The following CAMKMT variants were observed in gnomAD, a reference collection of about 807,000 sequenced individuals.
The protein encoded by CAMKMT is calmodulin-lysine N-methyltransferase, also known as CaM KMT.
In CAMKMT, 53 loss-of-function variants were observed where a neutral mutation model predicts 48.0. That is an observed-to-expected ratio of 1.10 (90% CI 0.89 to 1.39). The LOEUF (loss-of-function observed/expected upper bound fraction) is 1.39, where lower values mean the gene tolerates loss of function less well. CAMKMT is among the 40% of genes most tolerant of loss of function. The pLI, the probability that CAMKMT is intolerant of heterozygous loss-of-function variation, is 0.00. For missense variants in CAMKMT, 428 were observed against 402.7 expected (o/e 1.06, Z -0.54); for synonymous variants, 165 against 152.3 (o/e 1.08, Z -0.61).
intron 3 of CAMKMT, among the ~76,000 whole-genome samples, chr2:44,483,640 G>T (rs1207447207): frequency 1.3e-5 from 2 of 152,130 alleles, no homozygotes; most frequent in Admixed American, 6.6e-5. Context: ...AGGCCATCAT[G>T]TAGCTCAAGG....
intron 3 of CAMKMT, among the ~76,000 whole-genome samples, chr2:44,702,519 A>G (rs557104567): frequency 4.6e-5 from 7 of 152,288 alleles, no homozygotes; most frequent in African/African-American, 1.4e-4. Context: ...TACTGCAATG[A>G]TATTTTACAA....
At chr2:44,554,533 C>G (rs1327949751) in intron 3 of CAMKMT, among the ~76,000 whole-genome samples, 2 of 152,036 alleles carry the variant, frequency 1.3e-5, no homozygotes, top group Non-Finnish European at 2.9e-5. Flanking sequence ...ACCTGGAGTT[C>G]AAGACCAGCC....
At chr2:44,417,433 C>T (rs1284888605) in intron 3 of CAMKMT, among the ~76,000 whole-genome samples, 2 of 152,040 alleles carry the variant, frequency 1.3e-5, no homozygotes, top group Admixed American at 6.6e-5. Flanking sequence ...AATATGCCCA[C>T]AATTCATTTA....
At chr2:44,553,827 A>C (rs1572784081) in intron 3 of CAMKMT, among the ~76,000 whole-genome samples, 1 of 152,348 alleles carries the variant, frequency 6.6e-6, no homozygotes, top group South Asian at 2.1e-4. Context: ...TAAAATAAAA[A>C]GAATAATTTA....
intron 3 of CAMKMT, among the ~76,000 whole-genome samples, chr2:44,625,650 T>C (rs187835769): frequency 2.7e-4 from 41 of 152,308 alleles, no homozygotes; most frequent in African/African-American, 9.4e-4. Flanking sequence ...TTAGCATTTA[T>C]GTTTAGGAAT....
intron 3 of CAMKMT, among the ~76,000 whole-genome samples, chr2:44,602,798 G>T (rs1671073816): frequency 6.6e-6 from 1 of 152,062 alleles, no homozygotes; most frequent in African/African-American, 2.4e-5. Flanking sequence ...CCACGATCCA[G>T]TGACCTCCCA....
In CAMKMT at chr2:44,418,311, AT is replaced by A. The variant is rs765290714; in HGVS notation, c.376+28017del. On this transcript the variant is annotated intron_variant, in intron 3 of 10. Transcript: ENST00000378494. ...GTATCCTGTTTAAAAAAATCTATGA[AT>A]TTTTTTTTTTATGTGTTCTTCTAGA... 1.2e-3 allele frequency among the ~76,000 whole-genome samples: 179 copies of A among 147,514 alleles called. 1 individual carries two copies. Among genetic ancestry groups the A allele is most frequent in the African/African-American group, 2.2e-3 (87 of 40,412 alleles).
chr2:44,631,053 A>C (rs1672788147), intron 3 of CAMKMT, among the ~76,000 whole-genome samples: 1 of 152,252 alleles, frequency 6.6e-6, no homozygotes, highest in Non-Finnish European at 1.5e-5. Context: ...TACACCATGG[A>C]ATACTATGCA....
At chr2:44,393,695 G>C (rs888160411) in intron 3 of CAMKMT, among the ~76,000 whole-genome samples, 2 of 152,158 alleles carry the variant, frequency 1.3e-5, no homozygotes, top group African/African-American at 4.8e-5. Flanking sequence ...TTTCACCTCA[G>C]ATGAGGTACT....
At chr2:44,556,960 T>C (rs1442770696) in intron 3 of CAMKMT, among the ~76,000 whole-genome samples, 1 of 152,100 alleles carries the variant, frequency 6.6e-6, no homozygotes, top group East Asian at 1.9e-4. Context: ...GTAAGTTTAT[T>C]TCAGGGAGAA....
intron 3 of CAMKMT, among the ~76,000 whole-genome samples, chr2:44,459,212 T>C (rs1667729238): frequency 6.6e-6 from 1 of 152,226 alleles, no homozygotes; most frequent in African/African-American, 2.4e-5. Context: ...GCTTTAGAAT[T>C]TCAATAGTTA....
chr2:44,725,721 TAGAG>T (rs1434024765), intron 7 of CAMKMT, among the ~76,000 whole-genome samples: 1 of 151,992 alleles, frequency 6.6e-6, no homozygotes. Context: ...TTGTGATAAA[TAGAG>T]AGAGGCTAGA....
rs1480289004 is a variant in CAMKMT at position 44,372,721 on chromosome 2, G to A, written c.144G>A (p.Leu48=). 6.2e-7 allele frequency: 1 copy of A among 1,611,784 alleles called. No homozygotes were observed. The highest frequency in any genetic ancestry group is 8.5e-7 in the Non-Finnish European group (1 of 1,179,186). Residue 48 remains leucine, a synonymous_variant, in exon 2 of 11, where the codon CTG becomes CTA. Transcript: ENST00000378494. The part of the protein sequence containing the change: ...AARWKLLRQV[L]KQKHLDDCLR... ...TATTTGGCTTTATTTCAAAGGTTCT[G>A]AAGCAAAAACACCTGGATGATTGCC...
intron 2 of CAMKMT, among the ~76,000 whole-genome samples, chr2:44,385,399 T>C (rs998172875): frequency 4.6e-5 from 7 of 152,200 alleles, no homozygotes; most frequent in African/African-American, 1.4e-4. Context: ...TTTAGGGTTG[T>C]CGAGGTAAAC....
intron 3 of CAMKMT, among the ~76,000 whole-genome samples, chr2:44,507,624 A>G (rs948010286): frequency 6.6e-6 from 1 of 152,150 alleles, no homozygotes; most frequent in African/African-American, 2.4e-5. Flanking sequence ...AATTATTCAT[A>G]TTTATTTAGT....
intron 3 of CAMKMT, chr2:44,457,331 A>T (rs1667615943): frequency 6.6e-6 from 1 of 151,826 alleles, no homozygotes; most frequent in Admixed American, 6.6e-5. Context: ...ATGATCATAA[A>T]TTCCTTCTGA....
At chr2:44,369,335 A>C (rs546633012) in intron 1 of CAMKMT, among the ~76,000 whole-genome samples, 1 of 152,360 alleles carries the variant, frequency 6.6e-6, no homozygotes, top group Non-Finnish European at 1.5e-5. Flanking sequence ...TATGAAATAT[A>C]TTCATACTGA....
At chr2:44,739,257 A>G (rs1679530433) in intron 7 of CAMKMT, among the ~76,000 whole-genome samples, 2 of 152,230 alleles carry the variant, frequency 1.3e-5, no homozygotes, top group Admixed American at 1.3e-4. Context: ...AATAATTCAG[A>G]TGAGAGATGA....
intron 3 of CAMKMT, among the ~76,000 whole-genome samples, chr2:44,539,000 G>A (rs867529236): frequency 2.6e-5 from 3 of 115,728 alleles, no homozygotes; most frequent in African/African-American, 6.8e-5. Context: ...GTGTGTGTGT[G>A]TGTATGTATA....
Sources: allele counts gnomAD v4.1 joint callset (sites outside exome capture counted in the v4.1 genomes callset), GRCh38; gene constraint gnomAD v4.1.1; transcripts MANE v1.5; gene names NCBI Gene and HGNC (gene_info 2026-07-23, HGNC 2026-07-21).